TUT4: variants seen among roughly 807,000 people sequenced by gnomAD.
The protein encoded by TUT4 is terminal uridylyl transferase 4, also known as terminal uridylyltransferase 4.
TUT4 carries 36 observed loss-of-function variants against 192.2 expected under a neutral mutation model. That is an observed-to-expected ratio of 0.19 (90% CI 0.14 to 0.25). The LOEUF (loss-of-function observed/expected upper bound fraction) is 0.25. TUT4 is among the 10% of genes least tolerant of loss of function. The pLI, the probability that TUT4 is intolerant of heterozygous loss-of-function variation, is 1.00. For synonymous variants in TUT4, 618 were observed against 666.0 expected, an observed-to-expected ratio of 0.93 and a Z score of 1.11; for missense variants, 1,493 against 1,957.2, an observed-to-expected ratio of 0.76 and a Z score of 4.47.
intron 1 of TUT4, among the ~76,000 whole-genome samples, chr1:52,544,733 T>C (rs750978438): frequency 3.3e-5 from 5 of 152,102 alleles, no homozygotes; most frequent in African/African-American, 4.8e-5. Flanking sequence ...TTAAAACTTT[T>C]GTTAATCAAA....
intron 2 of TUT4, among the ~76,000 whole-genome samples, chr1:52,524,135 G>A (rs1327852648): frequency 6.6e-6 from 1 of 152,140 alleles, no homozygotes; most frequent in African/African-American, 2.4e-5. Flanking sequence ...TAAACTCTAA[G>A]TGTCCTAACC....
intron 9 of TUT4, among the ~76,000 whole-genome samples, chr1:52,486,227 T>G (rs930608570): frequency 2.0e-5 from 3 of 152,110 alleles, no homozygotes; most frequent in African/African-American, 4.8e-5. Flanking sequence ...AACCCAGATA[T>G]CTCTTTCAGA....
At chr1:52,468,145 G>T in intron 15 of TUT4, 36 bp downstream of exon 15, 2 of 1,490,292 alleles carry the variant, frequency 1.3e-6, no homozygotes, top group Non-Finnish European at 1.8e-6. Flanking sequence ...CATGACTACA[G>T]CAAAAACGCA....
intron 2 of TUT4, among the ~76,000 whole-genome samples, chr1:52,516,398 CTGTT>C (rs1412663779): frequency 6.6e-6 from 1 of 152,166 alleles, no homozygotes; most frequent in East Asian, 1.9e-4. Flanking sequence ...GATAAAAAAA[CTGTT>C]TGGAGTCCCA....
intron 7 of TUT4, among the ~76,000 whole-genome samples, chr1:52,491,343 T>G (rs879369665): frequency 1.3e-5 from 2 of 152,224 alleles, no homozygotes; most frequent in African/African-American, 2.4e-5. Flanking sequence ...CTGAAATCTT[T>G]CTCTGTATCT....
chr1:52,432,060 A>C (rs766393838), intron 27 of TUT4: 1 of 152,240 alleles, frequency 6.6e-6, no homozygotes, highest in African/African-American at 2.4e-5. Flanking sequence ...ATCTCTGAAT[A>C]CTTGGGTTTT....
chr1:52,459,159 G>A (rs1215995067), intron 19 of TUT4, among the ~76,000 whole-genome samples: 2 of 152,052 alleles, frequency 1.3e-5, no homozygotes, highest in Admixed American at 1.3e-4. Flanking sequence ...GGTGGCGGGC[G>A]CCTGTAGTCC....
chr1:52,491,312 C>G (rs931740707), intron 7 of TUT4, among the ~76,000 whole-genome samples: 2 of 152,102 alleles, frequency 1.3e-5, no homozygotes, highest in African/African-American at 2.4e-5. Context: ...AAGGACTAAC[C>G]GGATGAAGCA....
chr1:52,462,764 C>T, intron 16 of TUT4: 3 of 985,170 alleles, frequency 3.0e-6, no homozygotes, highest in Non-Finnish European at 3.6e-6. Flanking sequence ...GAAATTCTTA[C>T]CTCTGTAAAT....
intron 16 of TUT4, chr1:52,462,034 T>C (rs922849612): frequency 3.1e-5 from 9 of 293,124 alleles, no homozygotes; most frequent in African/African-American, 1.8e-4. Flanking sequence ...ACATGCAGAT[T>C]AAAGTTTGAG....
chr1:52,488,791 T>C, intron 9 of TUT4, 118 bp downstream of exon 9: 1 of 1,131,608 alleles, frequency 8.8e-7, no homozygotes, highest in Non-Finnish European at 1.2e-6. Context: ...AGAAAACTAC[T>C]TTCTCCCACA....
chr1:52,425,635 CCAAA>C lies in TUT4; in HGVS notation c.4712-132_4712-129del, dbSNP rs942448203. 5.4e-5 allele frequency: 62 copies of C among 1,153,188 alleles called. No individual in the cohort carries two copies. The African/African-American group carries it at 6.3e-4, about 12-fold the overall frequency. The allele number at this position is 1,153,188 out of a possible 1,614,324, so 71.4% of individuals were successfully genotyped here. On this transcript the variant is annotated intron_variant, in intron 28 of 29. Transcript: ENST00000257177. ...AGAACTATGCTAAATTCAGAGAATA[CCAAA>C]CAAACTTTTTTAAAGAATAAAGCAT...
At position 52,452,990 on chromosome 1, in the gene TUT4, C is replaced by T. The variant is rs559215464; in HGVS notation, c.3435+5346G>A. ...AATTGGAGGACACCATGGTGTTCAA[C>T]GCAGAAGTGGTTGCTTGCTTGGTAT... On this transcript the variant is annotated intron_variant, in intron 20 of 29. Transcript: ENST00000257177. Among the ~76,000 whole-genome samples, 13 of 152,278 alleles carry T rather than the reference C, an allele frequency of 8.5e-5. No individual in the cohort carries two copies. The East Asian group carries it at 1.2e-3, about 14-fold the overall frequency.
chr1:52,479,204 G>GAAGAGGA (rs1667850923), intron 11 of TUT4, among the ~76,000 whole-genome samples: 1 of 152,160 alleles, frequency 6.6e-6, no homozygotes, highest in Non-Finnish European at 1.5e-5. Flanking sequence ...AGGAAGAGTA[G>GAAGAGGA]AAGAGGAAAG....
chr1:52,451,489 A>T (rs561219405), intron 20 of TUT4, among the ~76,000 whole-genome samples: 1 of 152,328 alleles, frequency 6.6e-6, no homozygotes, highest in East Asian at 1.9e-4. Context: ...TTAAAAGAAT[A>T]ATAACACTAT....
At chr1:52,459,072 T>C (rs796756827) in intron 19 of TUT4, among the ~76,000 whole-genome samples, 73 of 152,132 alleles carry the variant, frequency 4.8e-4, no homozygotes, top group African/African-American at 1.8e-3. Context: ...TCTTTTTTAA[T>C]AAATAAAAAA....
intron 2 of TUT4, among the ~76,000 whole-genome samples, chr1:52,522,693 AGGC>A (rs1680593895): frequency 6.6e-6 from 1 of 152,180 alleles, no homozygotes; most frequent in Non-Finnish European, 1.5e-5. Context: ...TGGGAGGCTG[AGGC>A]AGGCGGATCA....
At chr1:52,437,549 T>G (rs945169189) in intron 25 of TUT4, 3 of 152,722 alleles carry the variant, frequency 2.0e-5, no homozygotes, top group Non-Finnish European at 4.4e-5. Flanking sequence ...TAATTATCAG[T>G]TTGCATGACT....
rs1465505171 is a variant in TUT4, at chr1:52,526,305, A to G, written c.-25T>C. The G allele has an allele frequency of 6.2e-6, 9 of 1,457,946 alleles. No homozygotes were observed. Among genetic ancestry groups the G allele is most frequent in the Non-Finnish European group, 8.1e-6 (9 of 1,112,918 alleles). 90.3% of individuals were successfully genotyped at this position (1,457,946 alleles called of 1,614,324 possible). A position where few individuals can be genotyped will look rare whatever the true frequency, so the allele number is the denominator to read the frequency against. ...TTATTTGAAAATCTGTTTCTTTCCA[A>G]TTGTGATATTATAAAATGGCAGATC... On this transcript the variant is annotated 5_prime_UTR_variant, in exon 2 of 30. Coordinates refer to ENST00000257177, the MANE Select transcript of TUT4 (RefSeq NM_001009881.3).
Sources: allele counts gnomAD v4.1 joint callset (sites outside exome capture counted in the v4.1 genomes callset), GRCh38; gene constraint gnomAD v4.1.1; transcripts MANE v1.5; gene names NCBI Gene and HGNC (gene_info 2026-07-23, HGNC 2026-07-21).